GABRB1: variants seen among roughly 807,000 people sequenced by gnomAD.
The protein encoded by GABRB1 is gamma-aminobutyric acid type A receptor subunit beta1, also known as gamma-aminobutyric acid receptor subunit beta-1.
A neutral mutation model predicts 51.6 loss-of-function variants in GABRB1; 17 were observed. The ratio of observed to expected loss-of-function variants is 0.33; its 90% CI spans 0.23 to 0.49. The LOEUF is 0.49. Ranked by LOEUF, GABRB1 falls within the 20% of genes least tolerant of loss-of-function variation. GABRB1 has a pLI of 0.99. For synonymous variants in GABRB1, 247 were observed against 218.9 expected, an observed-to-expected ratio of 1.13 and a Z score of -1.14; for missense variants, 410 against 600.6, an observed-to-expected ratio of 0.68 and a Z score of 3.32.
chr4:47,227,985 A>G (rs1721007742), intron 4 of GABRB1, among the ~76,000 whole-genome samples: 1 of 152,160 alleles, frequency 6.6e-6, no homozygotes, highest in African/African-American at 2.4e-5. Flanking sequence ...TAACGTAATT[A>G]TCTCTTTAAA....
intron 3 of GABRB1, among the ~76,000 whole-genome samples, chr4:47,083,805 T>C (rs1440620623): frequency 6.6e-6 from 1 of 152,158 alleles, no homozygotes; most frequent in Non-Finnish European, 1.5e-5. Flanking sequence ...TCAATAATTG[T>C]TCTGGATTTT....
At chr4:47,392,102 C>T (rs1447897046) in intron 5 of GABRB1, among the ~76,000 whole-genome samples, 2 of 146,794 alleles carry the variant, frequency 1.4e-5, no homozygotes, top group African/African-American at 2.6e-5. Context: ...AAAAAAAAAA[C>T]GCAGAAAGGA....
intron 5 of GABRB1, among the ~76,000 whole-genome samples, chr4:47,368,222 T>C (rs768707048): frequency 3.9e-5 from 6 of 152,178 alleles, no homozygotes; most frequent in Non-Finnish European, 5.9e-5. Context: ...AACATATAAA[T>C]ATCCTCAAAT....
chr4:47,028,863 T>C (rs1725188191), upstream of GABRB1, among the ~76,000 whole-genome samples: 1 of 148,672 alleles, frequency 6.7e-6, no homozygotes. Flanking sequence ...GTATATATGG[T>C]ATATATACCA....
intron 4 of GABRB1, among the ~76,000 whole-genome samples, chr4:47,292,040 T>A (rs111881359): frequency 0.02 from 3,087 of 152,302 alleles, 92 homozygotes; most frequent in African/African-American, 0.07. Context: ...TGATAAGGTT[T>A]GGTTTTGTCC....
chr4:47,340,812 T>C (rs915266181), intron 5 of GABRB1, among the ~76,000 whole-genome samples: 6 of 152,084 alleles, frequency 3.9e-5, no homozygotes, highest in Admixed American at 1.3e-4. Flanking sequence ...TGAAAAAAAA[T>C]TTTCACCATC....
At chr4:47,259,493 C>CT (rs929880683) in intron 4 of GABRB1, among the ~76,000 whole-genome samples, 1 of 152,040 alleles carries the variant, frequency 6.6e-6, no homozygotes, top group African/African-American at 2.4e-5. Flanking sequence ...TTCTAAATTT[C>CT]TTCATTTATT....
chr4:47,320,693 T>C (rs921910513), intron 5 of GABRB1, among the ~76,000 whole-genome samples: 5 of 152,156 alleles, frequency 3.3e-5, no homozygotes, highest in Non-Finnish European at 7.4e-5. Context: ...AAAGACTTAA[T>C]GGTTTTTAAG....
At chr4:47,269,355 A>T (rs142932671) in intron 4 of GABRB1, among the ~76,000 whole-genome samples, 2 of 152,232 alleles carry the variant, frequency 1.3e-5, no homozygotes, top group African/African-American at 4.8e-5. Context: ...TCATTGCATT[A>T]GTGCAGAACA....
intron 5 of GABRB1, among the ~76,000 whole-genome samples, chr4:47,339,984 C>G (rs1022408818): frequency 6.6e-6 from 1 of 152,142 alleles, no homozygotes; most frequent in Non-Finnish European, 1.5e-5. Flanking sequence ...CTAACTATAA[C>G]TTTGTGCATA....
chr4:47,232,686 G>T (rs1560596013), intron 4 of GABRB1, among the ~76,000 whole-genome samples: 1 of 152,130 alleles, frequency 6.6e-6, no homozygotes, highest in African/African-American at 2.4e-5. Context: ...TGTGCATGCT[G>T]TTAGTATCCA....
At chr4:47,049,866 G>T (rs979582021) in intron 3 of GABRB1, among the ~76,000 whole-genome samples, 1 of 152,132 alleles carries the variant, frequency 6.6e-6, no homozygotes, top group East Asian at 1.9e-4. Context: ...CTTCAAAAAC[G>T]CAGAGGTAGG....
chr4:47,032,073 C>CAA (rs71654859), intron 2 of GABRB1, 68 bp downstream of exon 2: 6,111 of 443,668 alleles, frequency 0.014, 87 homozygotes, highest in South Asian at 0.029. Context: ...AGATAAATGT[C>CAA]AAAAAAAAAA....
chr4:47,170,675 G>T (rs1238291788), intron 4 of GABRB1, among the ~76,000 whole-genome samples: 2 of 152,176 alleles, frequency 1.3e-5, no homozygotes, highest in Non-Finnish European at 2.9e-5. Flanking sequence ...TGTAGTATTT[G>T]CAGAGGAAGC....
intron 5 of GABRB1, among the ~76,000 whole-genome samples, chr4:47,321,685 T>C (rs1578092967): frequency 6.6e-6 from 1 of 152,212 alleles, no homozygotes; most frequent in African/African-American, 2.4e-5. Context: ...TCATTACTTT[T>C]GGAACTGATA....
chr4:47,361,225 T>C (rs1320081257), intron 5 of GABRB1, among the ~76,000 whole-genome samples: 3 of 152,130 alleles, frequency 2.0e-5, no homozygotes, highest in Non-Finnish European at 4.4e-5. Context: ...ACCGCAATGA[T>C]GTTCCTGGCC....
At chr4:47,049,988 C>T (rs1171823213) in intron 3 of GABRB1, among the ~76,000 whole-genome samples, 2 of 152,174 alleles carry the variant, frequency 1.3e-5, no homozygotes, top group Non-Finnish European at 2.9e-5. Flanking sequence ...ATAGATCTTG[C>T]TGTATTTGTT....
At chr4:47,156,736 A>AG (rs1451877846) in intron 3 of GABRB1, among the ~76,000 whole-genome samples, 3 of 151,734 alleles carry the variant, frequency 2.0e-5, no homozygotes, top group Non-Finnish European at 4.4e-5. Context: ...TGGGGGACCG[A>AG]GGGGGGGCAG....
intron 1 of GABRB1, among the ~76,000 whole-genome samples, chr4:47,018,001 A>C (rs1275771328): frequency 6.6e-6 from 1 of 151,804 alleles, no homozygotes; most frequent in Non-Finnish European, 1.5e-5. Flanking sequence ...TCCTGCTTTA[A>C]AATAAGTTTT....
Sources: gnomAD v4.1 joint callset for allele counts (sites outside exome capture counted in the v4.1 genomes callset) on GRCh38, gnomAD v4.1.1 for gene constraint, MANE v1.5 for transcripts, NCBI Gene and HGNC (gene_info 2026-07-23, HGNC 2026-07-21) for gene names.